SLC1A1: variants seen among roughly 807,000 people sequenced by gnomAD.
SLC1A1 encodes the protein excitatory amino acid transporter 3.
Under a neutral mutation model 53.3 loss-of-function variants are expected in SLC1A1, and 43 were observed. That is an observed-to-expected ratio of 0.81 (90% CI 0.63 to 1.04). SLC1A1 has a LOEUF of 1.04. Among genes scored for constraint, SLC1A1 ranks in the 50% least tolerant of loss-of-function variants. The pLI is 0.00. For missense variants in SLC1A1, 748 were observed against 664.9 expected (o/e 1.12, Z -1.37); for synonymous variants, 307 against 243.2 (o/e 1.26, Z -2.44).
chr9:4,522,626 G>C (rs987874036), intron 1 of SLC1A1, among the ~76,000 whole-genome samples: 1 of 152,168 alleles, frequency 6.6e-6, no homozygotes, highest in Non-Finnish European at 1.5e-5. Flanking sequence ...ATAACTCAAA[G>C]TTCTGCGTGG....
chr9:4,518,622 A>G (rs762184633), intron 1 of SLC1A1, among the ~76,000 whole-genome samples: 5 of 152,136 alleles, frequency 3.3e-5, no homozygotes, highest in Non-Finnish European at 5.9e-5. Flanking sequence ...CTCATGCCCT[A>G]TTCCAACTCC....
chr9:4,541,268 TC>T (rs1337545654), intron 1 of SLC1A1, among the ~76,000 whole-genome samples: 1 of 152,184 alleles, frequency 6.6e-6, no homozygotes, highest in Non-Finnish European at 1.5e-5. Context: ...CATCCAAGAA[TC>T]ATGGACTCTA....
chr9:4,573,871 T>C (rs762891979), intron 7 of SLC1A1, 36 bp from the exon 8 acceptor site: 1 of 1,416,274 alleles, frequency 7.1e-7, no homozygotes, highest in Non-Finnish European at 1.0e-6. Flanking sequence ...AAGCACTTGA[T>C]GACGGAATCA....
Position 4,583,229 on chromosome 9 carries a change from C to T in SLC1A1, c.1328+57C>T, listed in dbSNP as rs1262305681. On this transcript the variant is annotated intron_variant, in intron 11 of 11. Transcript: ENST00000262352. The surrounding 1 kb of genome is among the most constrained non-coding windows in gnomAD (Gnocchi z 4.6). ...GATGTGCAGGCGGGCTTCCCAGCCT[C>T]GCAGGCGCTGCAGTCTGTCATCATT... 1.2e-5 allele frequency: 19 copies of T among 1,605,312 alleles called. No individual in the cohort carries two copies. The highest frequency in any genetic ancestry group is 1.5e-5 in the Non-Finnish European group (18 of 1,172,544).
rs1049698317 is a variant in SLC1A1, at chr9:4,573,749, G to T, written c.768-158G>T. Among the ~76,000 whole-genome samples, 2 of 152,146 alleles carry T rather than the reference G, an allele frequency of 1.3e-5. 1 individual carries two copies. The highest frequency in any genetic ancestry group is 4.1e-4 in the South Asian group (2 of 4,826). ...AACTAGAGCCAATATTGTTCACCCA[G>T]GACTTGAAACAACTCTTAGCTTCAA... On this transcript the variant is annotated intron_variant, in intron 7 of 11. Transcript: ENST00000262352.
intron 1 of SLC1A1, among the ~76,000 whole-genome samples, chr9:4,502,364 G>A (rs1486198406): frequency 8.8e-6 from 1 of 113,236 alleles, no homozygotes; most frequent in African/African-American, 3.6e-5. Flanking sequence ...TCCTGCCCGG[G>A]TGATAGAATG....
chr9:4,575,223 T>C (rs1448054264), intron 8 of SLC1A1, among the ~76,000 whole-genome samples: 1 of 152,216 alleles, frequency 6.6e-6, no homozygotes, highest in Non-Finnish European at 1.5e-5. Context: ...CCATTTCCTA[T>C]TTCAAACACA....
chr9:4,508,431 T>G (rs1032513273), intron 1 of SLC1A1, among the ~76,000 whole-genome samples: 1 of 152,120 alleles, frequency 6.6e-6, no homozygotes, highest in Non-Finnish European at 1.5e-5. Flanking sequence ...AGAGACTAGA[T>G]TCCTGTGGGC....
rs1174569330 is a variant in SLC1A1, at chr9:4,535,078, A to G, written c.92-9489A>G. ...TATCTCAAAATAATAAGAGCTATCTATGACAAACCCACAGCCAATATCATA... is the reference window on the plus strand; with the variant it reads ...TATCTCAAAATAATAAGAGCTATCTGTGACAAACCCACAGCCAATATCATA... On this transcript the variant is annotated intron_variant, in intron 1 of 11. Coordinates refer to ENST00000262352, the MANE Select transcript of SLC1A1 (RefSeq NM_004170.6). Among the ~76,000 whole-genome samples, 10 of 152,208 alleles carry G rather than the reference A, an allele frequency of 6.6e-5. 1 individual carries two copies. Among genetic ancestry groups the G allele is most frequent in the South Asian group, 4.1e-4 (2 of 4,826 alleles).
chr9:4,555,882 G>T (rs1279073304), intron 2 of SLC1A1, among the ~76,000 whole-genome samples: 3 of 152,102 alleles, frequency 2.0e-5, no homozygotes, highest in Non-Finnish European at 4.4e-5. Context: ...AGCAAATCCA[G>T]TTGTTAAAAT....
At chr9:4,569,852 C>T (rs1229466773) in intron 6 of SLC1A1, among the ~76,000 whole-genome samples, 1 of 152,140 alleles carries the variant, frequency 6.6e-6, no homozygotes, top group African/African-American at 2.4e-5. Context: ...CCCTCTATAC[C>T]CCAGGCCCTG....
intron 1 of SLC1A1, 77 bp from the exon 2 acceptor site, chr9:4,544,490 G>C (rs892599057): frequency 6.2e-6 from 8 of 1,288,630 alleles, no homozygotes; most frequent in Non-Finnish European, 7.9e-6. Flanking sequence ...GCATTTGGGA[G>C]TATTTTTCCA....
intron 1 of SLC1A1, among the ~76,000 whole-genome samples, chr9:4,541,953 A>T (rs546123197): frequency 1.3e-5 from 2 of 152,266 alleles, no homozygotes; most frequent in African/African-American, 4.8e-5. Context: ...TGGGACCTGG[A>T]AAATCTTCTG....
intron 1 of SLC1A1, among the ~76,000 whole-genome samples, chr9:4,516,081 G>C (rs1317649218): frequency 6.6e-6 from 1 of 152,206 alleles, no homozygotes; most frequent in Admixed American, 6.5e-5. Context: ...TGGTACAGGA[G>C]CTTTCCTGAT....
At chr9:4,540,952 C>A (rs1445016737) in intron 1 of SLC1A1, among the ~76,000 whole-genome samples, 3 of 152,206 alleles carry the variant, frequency 2.0e-5, no homozygotes, top group African/African-American at 7.2e-5. Flanking sequence ...CCACACCTCA[C>A]AATTGGTGGA....
intron 1 of SLC1A1, among the ~76,000 whole-genome samples, chr9:4,528,299 A>G (rs950746538): frequency 4.0e-5 from 6 of 151,204 alleles, no homozygotes; most frequent in South Asian, 2.1e-4. Flanking sequence ...GGAGGTGGGC[A>G]CAGTGGCTCA....
At chr9:4,571,919 T>G (rs1284937564) in intron 6 of SLC1A1, among the ~76,000 whole-genome samples, 1 of 151,904 alleles carries the variant, frequency 6.6e-6, no homozygotes, top group Non-Finnish European at 1.5e-5. Flanking sequence ...AAATTCATAA[T>G]AAAAATATAA....
chr9:4,524,922 T>G (rs763110759), intron 1 of SLC1A1, among the ~76,000 whole-genome samples: 4 of 152,018 alleles, frequency 2.6e-5, no homozygotes, highest in Non-Finnish European at 5.9e-5. Flanking sequence ...TCATGAGGGA[T>G]CCAGCTCATG....
chr9:4,571,614 T>G (rs1012003470), intron 6 of SLC1A1, among the ~76,000 whole-genome samples: 5 of 151,920 alleles, frequency 3.3e-5, no homozygotes, highest in Admixed American at 1.3e-4. Context: ...GAGGTGGAGG[T>G]TGCAGTGAAC....
Sources: gnomAD v4.1 joint callset for allele counts (sites outside exome capture counted in the v4.1 genomes callset) on GRCh38, gnomAD v4.1.1 for gene constraint, Gnocchi (gnomAD v3.1) non-coding constraint, MANE v1.5 for transcripts, NCBI Gene and HGNC (gene_info 2026-07-23, HGNC 2026-07-21) for gene names.